THSD7B: variants seen among roughly 807,000 people sequenced by gnomAD.
The protein encoded by THSD7B is thrombospondin type 1 domain containing 7B, also known as thrombospondin type-1 domain-containing protein 7B.
THSD7B carries 138 observed loss-of-function variants against 213.6 expected under a neutral mutation model. That is an observed-to-expected ratio of 0.65 (90% CI 0.56 to 0.74). THSD7B has a LOEUF of 0.74. Ranked by LOEUF, THSD7B falls within the 30% of genes least tolerant of loss-of-function variation. THSD7B has a pLI of 0.00. For missense variants in THSD7B, 1,931 were observed against 1,991.5 expected (o/e 0.97, Z 0.58); for synonymous variants, 742 against 687.0 (o/e 1.08, Z -1.25).
chr2:136,894,997 A>T (rs1255517452), intron 2 of THSD7B, among the ~76,000 whole-genome samples: 1 of 152,166 alleles, frequency 6.6e-6, no homozygotes, highest in African/African-American at 2.4e-5. Flanking sequence ...GCTTTCTTAG[A>T]ACTGACAGTC....
chr2:137,107,613 A>G (rs901092609), intron 4 of THSD7B, among the ~76,000 whole-genome samples: 3 of 152,168 alleles, frequency 2.0e-5, no homozygotes, highest in African/African-American at 7.2e-5. Context: ...GATTTCAAAG[A>G]ATCTGGAATT....
chr2:136,909,269 C>A (rs752426633), intron 2 of THSD7B, among the ~76,000 whole-genome samples: 9 of 152,016 alleles, frequency 5.9e-5, no homozygotes, highest in Non-Finnish European at 1.3e-4. Flanking sequence ...ATGAGGTGTA[C>A]AGTTCTAAAT....
At chr2:137,174,121 C>G (rs1313512133) in intron 7 of THSD7B, among the ~76,000 whole-genome samples, 1 of 152,162 alleles carries the variant, frequency 6.6e-6, no homozygotes, top group Non-Finnish European at 1.5e-5. Context: ...AGACTTGAGG[C>G]CTACCTTAAT....
In THSD7B at chr2:136,906,936, G is replaced by GTTTTTTTTTTT. The variant is rs57887270; in HGVS notation, c.139+24638_139+24648dup. ...ATTCATAGATTCCTTACATTTCAAG[G>GTTTTTTTTTTT]TTTTTTTTTTTTTTTTTTTTTTTTT... On this transcript the variant is annotated intron_variant, in intron 2 of 27. Transcript: ENST00000409968. Among the ~76,000 whole-genome samples the GTTTTTTTTTTT allele has an allele frequency of 9.1e-5, 5 of 55,128 alleles. 1 individual carries two copies. Among genetic ancestry groups the GTTTTTTTTTTT allele is most frequent in the Admixed American group, 3.7e-4 (1 of 2,688 alleles). The allele number at this position is 55,128 out of a possible 152,430, so 36.2% of individuals were successfully genotyped here. A position where few individuals can be genotyped will look rare whatever the true frequency, so the allele number is the denominator to read the frequency against.
intron 7 of THSD7B, among the ~76,000 whole-genome samples, chr2:137,183,809 AT>A (rs1226682222): frequency 6.6e-6 from 1 of 151,994 alleles, no homozygotes; most frequent in Non-Finnish European, 1.5e-5. Context: ...TGGAAAATCA[AT>A]TTCTTTGTTG....
chr2:136,929,762 G>A (rs1277969283), intron 2 of THSD7B, among the ~76,000 whole-genome samples: 1 of 152,172 alleles, frequency 6.6e-6, no homozygotes, highest in Non-Finnish European at 1.5e-5. Context: ...AGCACCAGGT[G>A]TTCCCTGTGG....
Position 137,232,962 on chromosome 2 carries a change from G to T in THSD7B, c.1979G>T (p.Cys660Phe), listed in dbSNP as rs762122933. Residue 660 changes from cysteine (C) to phenylalanine (F), a missense_variant, in exon 9 of 28, where the codon TGT (cysteine) becomes TTT (phenylalanine). Physicochemically the swap from Cys to Phe is radical, Grantham distance 205. Coordinates refer to ENST00000409968, the MANE Select transcript of THSD7B (RefSeq NM_001316349.2). ...QEHRLCNDHS[C>F]MQLHWETSPW... ...CATCGTTTGTGTAATGACCATTCCT[G>T]TATGCAGCTTCACTGGGAGACATCG... The T allele has an allele frequency of 1.1e-5, 18 of 1,613,828 alleles. No homozygotes were observed. The highest frequency in any genetic ancestry group is 1.5e-5 in the Non-Finnish European group (18 of 1,179,846).
intron 12 of THSD7B, among the ~76,000 whole-genome samples, chr2:137,293,510 A>T (rs767505943): frequency 6.7e-6 from 1 of 148,434 alleles, no homozygotes; most frequent in African/African-American, 2.6e-5. Context: ...CTCTCTCTCT[A>T]TCTTTCTATC....
At chr2:136,908,273 T>A (rs918390824) in intron 2 of THSD7B, among the ~76,000 whole-genome samples, 2 of 152,188 alleles carry the variant, frequency 1.3e-5, no homozygotes, top group Non-Finnish European at 2.9e-5. Context: ...ATAGCAGCAA[T>A]AATAATATTT....
intron 12 of THSD7B, among the ~76,000 whole-genome samples, chr2:137,353,720 C>A (rs1466395913): frequency 6.6e-6 from 1 of 152,042 alleles, no homozygotes; most frequent in Non-Finnish European, 1.5e-5. Context: ...ACATACAAAT[C>A]AAAGAATCTT....
Position 137,057,168 on chromosome 2 carries a change from G to C in THSD7B, c.888G>C (p.Glu296Asp). 1 of 1,613,956 alleles carries C rather than the reference G, an allele frequency of 6.2e-7. No individual in the cohort carries two copies. Among genetic ancestry groups the C allele is most frequent in the Non-Finnish European group, 8.5e-7 (1 of 1,179,876 alleles). ...ATCATTCGAAGTCTTGGGCAATAGA[G>C]ATAGGTTATCAAACCCGGCAGGTTT... ...AHHHSKSWAIEIGYQTRQVSC... is the reference protein window; with the variant it reads ...AHHHSKSWAIDIGYQTRQVSC... The change falls in exon 3 of 28, where the codon GAG becomes GAC. Residue 296 changes from glutamate to aspartate, a missense_variant. By Grantham distance (45) the Glu-to-Asp change is conservative. Coordinates refer to ENST00000409968, the MANE Select transcript of THSD7B (RefSeq NM_001316349.2).
rs569178880 is a variant in THSD7B at position 136,936,826 on chromosome 2, T to G, written c.139+54509T>G. On this transcript the variant is annotated intron_variant, in intron 2 of 27. Transcript: ENST00000409968. ...TCCTTAAAAACCTATGGAAATAATT[T>G]TTTTTAAAAAAAGAAATGATAACAT... is the stretch of plus-strand genomic sequence containing the variant. Among the ~76,000 whole-genome samples, 20 of 150,798 alleles carry G rather than the reference T, an allele frequency of 1.3e-4. No individual in the cohort carries two copies. In the South Asian group the frequency reaches 4.0e-3, roughly 30 times the overall value.
intron 17 of THSD7B, among the ~76,000 whole-genome samples, chr2:137,614,889 G>A (rs1390666265): frequency 3.3e-5 from 5 of 152,124 alleles, no homozygotes; most frequent in South Asian, 4.1e-4. Context: ...CAGTGTACAG[G>A]TTTTGTTCTT....
At chr2:137,486,152 C>G (rs1385255696) in intron 15 of THSD7B, among the ~76,000 whole-genome samples, 1 of 152,094 alleles carries the variant, frequency 6.6e-6, no homozygotes. Flanking sequence ...ACAATATTAA[C>G]TTTAAATGTA....
chr2:136,991,323 T>C (rs1422045440), intron 2 of THSD7B, among the ~76,000 whole-genome samples: 1 of 152,074 alleles, frequency 6.6e-6, no homozygotes, highest in African/African-American at 2.4e-5. Context: ...AATGCTTTGG[T>C]CACATGAAGG....
At chr2:137,196,385 T>C (rs981534568) in intron 7 of THSD7B, among the ~76,000 whole-genome samples, 18 of 141,646 alleles carry the variant, frequency 1.3e-4, no homozygotes, top group Admixed American at 9.2e-4. Flanking sequence ...TGTTTTTTTT[T>C]TTTTTTTTTT....
intron 6 of THSD7B, among the ~76,000 whole-genome samples, chr2:137,168,057 G>T (rs570310538): frequency 1.3e-5 from 2 of 152,168 alleles, no homozygotes; most frequent in Non-Finnish European, 2.9e-5. Flanking sequence ...TGCAAAATGG[G>T]AATAGTAACT....
At chr2:137,364,750 C>T (rs181235543) in intron 12 of THSD7B, among the ~76,000 whole-genome samples, 18 of 152,196 alleles carry the variant, frequency 1.2e-4, no homozygotes, top group Middle Eastern at 3.4e-3. Context: ...AGGACACAAA[C>T]AAATGAAAAA....
At chr2:137,671,185 T>TATTA (rs1683564250) in intron 27 of THSD7B, among the ~76,000 whole-genome samples, 1 of 151,484 alleles carries the variant, frequency 6.6e-6, no homozygotes, top group Non-Finnish European at 1.5e-5. Context: ...TATCTGCATA[T>TATTA]ATTAGGGAGA....
Sources: gnomAD v4.1 joint callset for allele counts (sites outside exome capture counted in the v4.1 genomes callset) on GRCh38, gnomAD v4.1.1 for gene constraint, MANE v1.5 for transcripts, NCBI Gene and HGNC (gene_info 2026-07-23, HGNC 2026-07-21) for gene names.